BCHE: variants seen among roughly 807,000 people sequenced by gnomAD.
BCHE encodes the protein cholinesterase.
In BCHE, 48 loss-of-function variants were observed where a neutral mutation model predicts 51.3. That is an observed-to-expected ratio of 0.94 (90% CI 0.74 to 1.19). The LOEUF (loss-of-function observed/expected upper bound fraction) is 1.19. BCHE is among the 50% of genes most tolerant of loss of function. The probability of loss-of-function intolerance (pLI) is 0.00; values close to 1 mark genes in which losing one functional copy is unlikely to be tolerated. For synonymous variants in BCHE, 251 were observed against 238.0 expected (o/e 1.05, Z -0.50); for missense variants, 847 against 708.2 (o/e 1.20, Z -2.23).
intron 2 of BCHE, among the ~76,000 whole-genome samples, chr3:165,820,488 T>C (rs968135790): frequency 1.3e-5 from 2 of 152,004 alleles, no homozygotes; most frequent in African/African-American, 4.8e-5. Flanking sequence ...AAAAAAGATT[T>C]AAAGTGATAG....
intron 2 of BCHE, among the ~76,000 whole-genome samples, chr3:165,797,206 T>C (rs1254500366): frequency 2.9e-5 from 1 of 34,214 alleles, no homozygotes; most frequent in Non-Finnish European, 5.9e-5. Context: ...CCTCCCTTCC[T>C]TCCTTCCCTC....
At chr3:165,813,292 C>A (rs181492520) in intron 2 of BCHE, among the ~76,000 whole-genome samples, 2 of 151,504 alleles carry the variant, frequency 1.3e-5, no homozygotes, top group African/African-American at 2.4e-5. Context: ...GTAATCAAAT[C>A]ATTAGGTTTA....
chr3:165,819,656 C>A (rs562382426), intron 2 of BCHE, among the ~76,000 whole-genome samples: 2 of 151,952 alleles, frequency 1.3e-5, no homozygotes, highest in African/African-American at 2.4e-5. Context: ...CCACTATTTT[C>A]TTTTATGCTG....
chr3:165,809,594 A>T (rs1250615518), intron 2 of BCHE, among the ~76,000 whole-genome samples: 1 of 152,144 alleles, frequency 6.6e-6, no homozygotes, highest in Non-Finnish European at 1.5e-5. Context: ...TCCATTGCAC[A>T]AATTTATCAT....
intron 2 of BCHE, among the ~76,000 whole-genome samples, chr3:165,802,351 A>T (rs7640920): frequency 3.9e-5 from 6 of 152,218 alleles, no homozygotes; most frequent in Non-Finnish European, 2.9e-5. Flanking sequence ...AGATAAAATT[A>T]AAAAATCACT....
intron 2 of BCHE, among the ~76,000 whole-genome samples, chr3:165,819,421 A>T (rs1386803997): frequency 6.6e-6 from 1 of 152,130 alleles, no homozygotes; most frequent in Non-Finnish European, 1.5e-5. Flanking sequence ...CATTTTTAGA[A>T]TTAAAAGTAA....
At chr3:165,807,532 T>G (rs1165143729) in intron 2 of BCHE, among the ~76,000 whole-genome samples, 2 of 151,046 alleles carry the variant, frequency 1.3e-5, no homozygotes, top group African/African-American at 4.8e-5. Flanking sequence ...ATTTATTTAT[T>G]TATTTATTTA....
chr3:165,797,506 T>C (rs569088769), intron 2 of BCHE, among the ~76,000 whole-genome samples: 207 of 151,708 alleles, frequency 1.4e-3, no homozygotes, highest in African/African-American at 4.9e-3. Flanking sequence ...GCAACTGTTA[T>C]CATTTGAATG....
intron 2 of BCHE, among the ~76,000 whole-genome samples, chr3:165,805,304 G>C (rs990016615): frequency 2.6e-5 from 4 of 152,118 alleles, no homozygotes; most frequent in Non-Finnish European, 5.9e-5. Flanking sequence ...GATCAGTCAG[G>C]CATCAGTGTA....
At chr3:165,834,767 CATT>C (rs1465475384) in intron 1 of BCHE, among the ~76,000 whole-genome samples, 2 of 151,552 alleles carry the variant, frequency 1.3e-5, no homozygotes, top group East Asian at 1.9e-4. Context: ...TTCAACAAAA[CATT>C]ATCGTTTTTC....
At position 165,772,949 on chromosome 3, in the gene BCHE, T is replaced by C. The variant is rs1712308844; in HGVS notation, c.*433A>G. 1 of 152,842 alleles carries C rather than the reference T, an allele frequency of 6.5e-6. No homozygotes were observed. Among genetic ancestry groups the C allele is most frequent in the African/African-American group, 2.4e-5 (1 of 41,462 alleles). 9.5% of individuals were successfully genotyped at this position (152,842 alleles called of 1,614,324 possible). ...AATATCTCATATTGACATTCAATTC[T>C]TATTTTAATTAGGAAACATAATATT... On this transcript the variant is annotated 3_prime_UTR_variant, in exon 4 of 4. Transcript: ENST00000264381.
At chr3:165,820,721 G>A (rs1475029944) in intron 2 of BCHE, among the ~76,000 whole-genome samples, 1 of 151,868 alleles carries the variant, frequency 6.6e-6, no homozygotes, top group Non-Finnish European at 1.5e-5. Context: ...GGACTAGATG[G>A]CCAGATGACA....
At chr3:165,797,721 C>T (rs1459909854) in intron 2 of BCHE, among the ~76,000 whole-genome samples, 1 of 152,106 alleles carries the variant, frequency 6.6e-6, no homozygotes, top group African/African-American at 2.4e-5. Flanking sequence ...TTATTCACGT[C>T]TGTTTGCTTT....
intron 2 of BCHE, among the ~76,000 whole-genome samples, chr3:165,787,113 A>G (rs1488088449): frequency 2.0e-5 from 3 of 151,690 alleles, no homozygotes; most frequent in African/African-American, 4.8e-5. Flanking sequence ...CAAAACTTTC[A>G]TATTATCTTT....
At chr3:165,806,973 C>A (rs907497738) in intron 2 of BCHE, among the ~76,000 whole-genome samples, 15 of 152,074 alleles carry the variant, frequency 9.9e-5, no homozygotes, top group African/African-American at 3.4e-4. Flanking sequence ...TAAATACAAT[C>A]AAAATCTCTA....
intron 2 of BCHE, among the ~76,000 whole-genome samples, chr3:165,806,077 C>G (rs1045938693): frequency 9.9e-5 from 15 of 152,176 alleles, no homozygotes; most frequent in African/African-American, 2.9e-4. Context: ...ATGCCATTCT[C>G]TCTTCTGCAC....
intron 2 of BCHE, among the ~76,000 whole-genome samples, chr3:165,809,176 G>C (rs1354896310): frequency 6.6e-6 from 1 of 152,006 alleles, no homozygotes; most frequent in African/African-American, 2.4e-5. Flanking sequence ...GAAAAAAACC[G>C]TTATGGACTT....
At chr3:165,774,846 G>A (rs571933767) in intron 3 of BCHE, among the ~76,000 whole-genome samples, 140 of 152,238 alleles carry the variant, frequency 9.2e-4, no homozygotes, top group African/African-American at 3.2e-3. Flanking sequence ...TATACTTCAA[G>A]AACTTTGAAA....
rs142859898 is a variant in BCHE, at chr3:165,773,410, C to T, written c.1781G>A (p.Ser594Asn). ...GAGACCCACACAACTTTCTTTCTTG[C>T]TAGTGTAATCGTTAAATTGATTTTT... ...DWKNQFNDYT[S>N]KKESCVGL is the part of the protein sequence containing the mutation. The change falls in exon 4 of 4, where the codon AGC (serine) becomes AAC (asparagine). Residue 594 changes from serine (S) to asparagine (N), a missense_variant. Physicochemically the swap from Ser to Asn is conservative, Grantham distance 46. Coordinates refer to ENST00000264381, the MANE Select transcript of BCHE (RefSeq NM_000055.4). The T allele has an allele frequency of 7.4e-6, 12 of 1,610,776 alleles. No homozygotes were observed. In the South Asian group the frequency reaches 1.2e-4, roughly 16 times the overall value.
Sources: allele counts gnomAD v4.1 joint callset (sites outside exome capture counted in the v4.1 genomes callset), GRCh38; gene constraint gnomAD v4.1.1; transcripts MANE v1.5; gene names NCBI Gene and HGNC (gene_info 2026-07-23, HGNC 2026-07-21).